Variants in DLG2 observed in about 807,000 individuals in gnomAD.
DLG2 encodes the protein disks large homolog 2.
Under a neutral mutation model 132.5 loss-of-function variants are expected in DLG2, and 45 were observed. That is an observed-to-expected ratio of 0.34 (90% CI 0.27 to 0.44). DLG2 has a LOEUF of 0.44. Among genes scored for constraint, DLG2 ranks in the 20% least tolerant of loss-of-function variants. The probability of loss-of-function intolerance (pLI) is 1.00; values close to 1 mark genes in which losing one functional copy is unlikely to be tolerated. For missense variants in DLG2, 1,045 were observed against 1,196.9 expected (o/e 0.87, Z 1.87); for synonymous variants, 424 against 419.6 (o/e 1.01, Z -0.13).
chr11:85,187,557 C>T (rs1394443880), intron 4 of DLG2, among the ~76,000 whole-genome samples: 1 of 152,056 alleles, frequency 6.6e-6, no homozygotes, highest in African/African-American at 2.4e-5. Context: ...AATTTCAGGA[C>T]TCTGGGAAAT....
chr11:85,602,049 C>G (rs2080201258), intron 2 of DLG2, among the ~76,000 whole-genome samples: 2 of 152,162 alleles, frequency 1.3e-5, no homozygotes, highest in African/African-American at 4.8e-5. Flanking sequence ...ATTTGGATGT[C>G]TAATAAGCAT....
chr11:84,378,874 A>C (rs2098739618), intron 7 of DLG2, among the ~76,000 whole-genome samples: 1 of 152,060 alleles, frequency 6.6e-6, no homozygotes, highest in African/African-American at 2.4e-5. Flanking sequence ...TGAACCCGGG[A>C]GACGGAAGTT....
chr11:84,149,802 T>A (rs1372329001), intron 9 of DLG2, among the ~76,000 whole-genome samples: 7 of 152,136 alleles, frequency 4.6e-5, no homozygotes, highest in African/African-American at 1.4e-4. Context: ...TGACATTGCA[T>A]CTCGTGATGC....
intron 3 of DLG2, among the ~76,000 whole-genome samples, chr11:85,507,649 T>G (rs2153146834): frequency 1.3e-5 from 2 of 152,314 alleles, no homozygotes; most frequent in African/African-American, 2.4e-5. Flanking sequence ...ATTTTTTCCT[T>G]CATTTCAACT....
intron 3 of DLG2, among the ~76,000 whole-genome samples, chr11:85,407,256 A>T (rs1597040453): frequency 6.6e-6 from 1 of 151,932 alleles, no homozygotes; most frequent in Non-Finnish European, 1.5e-5. Flanking sequence ...GAAGAAACAT[A>T]ATCTTCTACA....
intron 6 of DLG2, among the ~76,000 whole-genome samples, chr11:84,594,238 G>C (rs2099550834): frequency 6.6e-6 from 1 of 152,192 alleles, no homozygotes. Flanking sequence ...GAAATGCACA[G>C]TTAAACTGTG....
At chr11:85,461,285 T>C (rs2092603543) in intron 3 of DLG2, among the ~76,000 whole-genome samples, 1 of 152,368 alleles carries the variant, frequency 6.6e-6, no homozygotes, top group South Asian at 2.1e-4. Context: ...TCCATTTGAA[T>C]GTGTCAGGAT....
chr11:84,656,364 G>A (rs1431938920), intron 6 of DLG2, among the ~76,000 whole-genome samples: 2 of 152,052 alleles, frequency 1.3e-5, no homozygotes, highest in Non-Finnish European at 2.9e-5. Flanking sequence ...ATAAAACATA[G>A]GTCTGCTTGC....
chr11:85,305,523 AT>A (rs1565297593), intron 3 of DLG2, among the ~76,000 whole-genome samples: 1 of 151,796 alleles, frequency 6.6e-6, no homozygotes, highest in South Asian at 2.1e-4. Flanking sequence ...TTATTTATTT[AT>A]TTTTTTGAGA....
chr11:85,380,604 G>C (rs1301716670), intron 3 of DLG2, among the ~76,000 whole-genome samples: 1 of 152,188 alleles, frequency 6.6e-6, no homozygotes, highest in Non-Finnish European at 1.5e-5. Context: ...AGGTTGCGGT[G>C]AGTCAAGATT....
chr11:85,255,755 T>C (rs977107688), intron 4 of DLG2, among the ~76,000 whole-genome samples: 1 of 152,058 alleles, frequency 6.6e-6, no homozygotes, highest in Non-Finnish European at 1.5e-5. Flanking sequence ...TTATATTAGC[T>C]CACTGCTGGA....
intron 6 of DLG2, among the ~76,000 whole-genome samples, chr11:84,573,499 G>C (rs1402483463): frequency 1.3e-5 from 2 of 152,038 alleles, no homozygotes; most frequent in Non-Finnish European, 1.5e-5. Flanking sequence ...AGGATGCAAG[G>C]TTAACATTAA....
intron 6 of DLG2, among the ~76,000 whole-genome samples, chr11:85,108,566 A>C (rs946174703): frequency 1.3e-5 from 2 of 151,930 alleles, no homozygotes; most frequent in Admixed American, 6.6e-5. Context: ...TTTTTATTCT[A>C]TAAGATGAAT....
At chr11:84,448,363 T>C (rs950881123) in intron 7 of DLG2, among the ~76,000 whole-genome samples, 10 of 152,070 alleles carry the variant, frequency 6.6e-5, no homozygotes, top group Non-Finnish European at 5.9e-5. Flanking sequence ...TCAAATAATG[T>C]ATTAGTCCAT....
intron 6 of DLG2, among the ~76,000 whole-genome samples, chr11:84,558,805 CCTTAT>C (rs756410369): frequency 3.3e-5 from 5 of 152,038 alleles, no homozygotes; most frequent in Admixed American, 6.6e-5. Flanking sequence ...GCTATTGATT[CCTTAT>C]CTTCTTTATT....
intron 6 of DLG2, among the ~76,000 whole-genome samples, chr11:84,741,098 G>A (rs1173537935): frequency 6.9e-5 from 8 of 116,734 alleles, no homozygotes; most frequent in Non-Finnish European, 1.3e-4. Flanking sequence ...ATGGAGTCTC[G>A]TTCTGTCGCC....
chr11:83,594,542 T>C (rs1322677228), intron 19 of DLG2, among the ~76,000 whole-genome samples: 2 of 152,126 alleles, frequency 1.3e-5, no homozygotes, highest in Non-Finnish European at 2.9e-5. Context: ...AGCATAAAAT[T>C]AGAGGCTGTA....
chr11:84,303,586 A>G (rs1599465618), intron 7 of DLG2, among the ~76,000 whole-genome samples: 1 of 152,216 alleles, frequency 6.6e-6, no homozygotes, highest in South Asian at 2.1e-4. Flanking sequence ...GTGTAAGATC[A>G]AAATTTTTGT....
chr11:85,397,556 T>C lies in DLG2; in HGVS notation c.41-112191A>G, dbSNP rs181402025. On this transcript the variant is annotated intron_variant, in intron 3 of 27. Transcript: ENST00000376104. Reference sequence around the variant, plus strand: ...CACATCTCATGTGCAAAGACAAAAATAGGCTCAAAATAAAGGGATGGAGGA... The same window carrying C: ...CACATCTCATGTGCAAAGACAAAAACAGGCTCAAAATAAAGGGATGGAGGA... Among the ~76,000 whole-genome samples, 715 of 151,964 alleles carry C rather than the reference T, an allele frequency of 4.7e-3. 5 individuals are homozygous for C. Among genetic ancestry groups the C allele is most frequent in the Middle Eastern group, 0.02 (6 of 294 alleles).
Sources: gnomAD v4.1 joint callset for allele counts (sites outside exome capture counted in the v4.1 genomes callset) on GRCh38, gnomAD v4.1.1 for gene constraint, MANE v1.5 for transcripts, NCBI Gene and HGNC (gene_info 2026-07-23, HGNC 2026-07-21) for gene names.